TARS3: variants seen among roughly 807,000 people sequenced by gnomAD.
The protein encoded by TARS3 is threonine--tRNA ligase 2, cytoplasmic.
A neutral mutation model predicts 103.5 loss-of-function variants in TARS3; 94 were observed. That is an observed-to-expected ratio of 0.91 (90% CI 0.77 to 1.08). The LOEUF is 1.08. TARS3 is among the 50% of genes least tolerant of loss of function. The pLI is 0.00. For synonymous variants in TARS3, 416 were observed against 355.4 expected (o/e 1.17, Z -1.92); for missense variants, 952 against 995.2 (o/e 0.96, Z 0.58).
intron 5 of TARS3, among the ~76,000 whole-genome samples, chr15:101,710,668 T>C (rs888900706): frequency 3.3e-5 from 5 of 152,176 alleles, no homozygotes; most frequent in South Asian, 2.1e-4. Context: ...GTGGTTCAGA[T>C]TGGACAAGTC....
At chr15:101,682,453 T>A (rs965457301) in intron 12 of TARS3, among the ~76,000 whole-genome samples, 1 of 152,184 alleles carries the variant, frequency 6.6e-6, no homozygotes, top group Non-Finnish European at 1.5e-5. Flanking sequence ...CAATGATTCA[T>A]TTTCTAATGT....
chr15:101,677,930 C>T (rs1226454863), intron 12 of TARS3, among the ~76,000 whole-genome samples: 1 of 152,112 alleles, frequency 6.6e-6, no homozygotes, highest in South Asian at 2.1e-4. Context: ...CCATGCCTGG[C>T]CTTTCTCCAG....
chr15:101,711,735 G>C (rs763838155), intron 5 of TARS3, 145 bp downstream of exon 5: 38 of 889,104 alleles, frequency 4.3e-5, no homozygotes, highest in Non-Finnish European at 5.2e-5. Flanking sequence ...AGTTGAACTC[G>C]GATTTTCAAC....
At chr15:101,714,098 A>G (rs1900008868) in intron 4 of TARS3, among the ~76,000 whole-genome samples, 1 of 152,240 alleles carries the variant, frequency 6.6e-6, no homozygotes, top group Admixed American at 6.5e-5. Flanking sequence ...CAGAAATCAT[A>G]TATCACATGC....
Position 101,657,796 on chromosome 15 carries a change from AT to A in TARS3, c.2133del (p.Lys711AsnfsTer27). 2 of 1,608,774 alleles carry A rather than the reference AT, an allele frequency of 1.2e-6. No individual in the cohort carries two copies. The highest frequency in any genetic ancestry group is 1.7e-5 in the Admixed American group (1 of 59,544). ...MVIPVGPTCE[K>X]YALQVSSEFF... Reference sequence around the variant, plus strand: ...ACCTCTGATTTTACCTGAAGTGCATATTTTTCACAAGTTGGCCCCACAGGGA... The same window carrying A: ...ACCTCTGATTTTACCTGAAGTGCATATTTTCACAAGTTGGCCCCACAGGGA... On this transcript the variant is annotated frameshift_variant, in exon 17 of 19. Transcript: ENST00000335968. LOFTEE classifies it high-confidence loss of function.
chr15:101,716,018 C>T (rs1420562886), intron 3 of TARS3, among the ~76,000 whole-genome samples: 1 of 150,464 alleles, frequency 6.6e-6, no homozygotes. Context: ...GCTTCCTTTG[C>T]CTATTTTCTT....
intron 5 of TARS3, among the ~76,000 whole-genome samples, chr15:101,711,383 T>C (rs957819751): frequency 1.3e-5 from 2 of 152,356 alleles, no homozygotes; most frequent in East Asian, 1.9e-4. Context: ...TGCAATACAG[T>C]TGACCCTTGA....
intron 3 of TARS3, among the ~76,000 whole-genome samples, chr15:101,716,810 C>A (rs775576452): frequency 4.0e-5 from 6 of 150,812 alleles, no homozygotes; most frequent in Non-Finnish European, 8.8e-5. Flanking sequence ...TCTCTGAGTT[C>A]TCATAATGTT....
At chr15:101,677,794 G>C (rs566584342) in intron 12 of TARS3, among the ~76,000 whole-genome samples, 27 of 151,334 alleles carry the variant, frequency 1.8e-4, no homozygotes, top group African/African-American at 6.3e-4. Flanking sequence ...CACCAAGCCT[G>C]GCTAATTTTG....
chr15:101,656,104 C>T, intron 18 of TARS3: 2 of 1,244,884 alleles, frequency 1.6e-6, no homozygotes, highest in Non-Finnish European at 2.1e-6. Flanking sequence ...GGGAGAAATA[C>T]TCCTGGTGAG....
chr15:101,661,535 T>C (rs1897377255), intron 16 of TARS3, among the ~76,000 whole-genome samples, 177 bp downstream of exon 16: 1 of 152,120 alleles, frequency 6.6e-6, no homozygotes, highest in African/African-American at 2.4e-5. Context: ...ATTCTTTATT[T>C]GCTGTTTGGA....
chr15:101,660,779 C>T (rs368717588), intron 16 of TARS3, among the ~76,000 whole-genome samples: 2 of 152,184 alleles, frequency 1.3e-5, no homozygotes, highest in African/African-American at 4.8e-5. Context: ...TGAGCCCATG[C>T]CTATCCACCA....
chr15:101,698,136 A>T (rs1487424399), intron 10 of TARS3, among the ~76,000 whole-genome samples: 1 of 152,004 alleles, frequency 6.6e-6, no homozygotes, highest in Non-Finnish European at 1.5e-5. Flanking sequence ...GGAGATCTAG[A>T]CCATCCTGGC....
intron 15 of TARS3, among the ~76,000 whole-genome samples, chr15:101,662,150 C>T (rs1246092474): frequency 6.6e-6 from 1 of 152,176 alleles, no homozygotes; most frequent in Non-Finnish European, 1.5e-5. Flanking sequence ...GCCACTATCT[C>T]CCACATTATA....
At chr15:101,703,024 G>A (rs1267049478) in intron 8 of TARS3, among the ~76,000 whole-genome samples, 3 of 152,102 alleles carry the variant, frequency 2.0e-5, no homozygotes, top group East Asian at 3.9e-4. Flanking sequence ...AGTAAAGGTC[G>A]GTCTTGCTGA....
rs1418133912 is a variant in TARS3 at position 101,654,419 on chromosome 15, A to T, written c.*163T>A. The T allele has an allele frequency of 2.8e-6, 2 of 716,302 alleles. No individual in the cohort carries two copies. The highest frequency in any genetic ancestry group is 4.3e-6 in the Non-Finnish European group (2 of 464,482). The allele number at this position is 716,302 out of a possible 1,614,324, so 44.4% of individuals were successfully genotyped here. On this transcript the variant is annotated 3_prime_UTR_variant, in exon 19 of 19. Transcript: ENST00000335968. ...TCCCCCGTGGACATGAGTAAATTAA[A>T]CTTCGTGCATGTCAGCTACACGTTC...
At chr15:101,709,604 A>C (rs1380997085) in intron 5 of TARS3, among the ~76,000 whole-genome samples, 2 of 151,678 alleles carry the variant, frequency 1.3e-5, no homozygotes, top group Non-Finnish European at 2.9e-5. Context: ...CATGGCACAC[A>C]CCTCCTACAC....
chr15:101,718,334 CGGGGTGGAGGT>C (rs2141456605), intron 3 of TARS3, among the ~76,000 whole-genome samples: 2 of 145,862 alleles, frequency 1.4e-5, no homozygotes, highest in African/African-American at 5.1e-5. Flanking sequence ...AGAAAAGGGG[CGGGGTGGAGGT>C]GGGGGGACAG....
intron 13 of TARS3, 131 bp downstream of exon 13, chr15:101,675,469 T>C: frequency 1.3e-6 from 1 of 798,702 alleles, no homozygotes; most frequent in Non-Finnish European, 2.0e-6. Context: ...CTACAACCTA[T>C]ATATCTATCT....
Sources: gnomAD v4.1 joint callset for allele counts (sites outside exome capture counted in the v4.1 genomes callset) on GRCh38, gnomAD v4.1.1 for gene constraint, MANE v1.5 for transcripts, NCBI Gene and HGNC (gene_info 2026-07-23, HGNC 2026-07-21) for gene names.